THSD7A: variants seen among roughly 807,000 people sequenced by gnomAD.
THSD7A encodes thrombospondin type 1 domain containing 7A.
In THSD7A, 96 loss-of-function variants were observed where a neutral mutation model predicts 231.3. The ratio of observed to expected loss-of-function variants is 0.41; its 90% CI spans 0.35 to 0.49. The LOEUF (loss-of-function observed/expected upper bound fraction) is 0.49. Ranked by LOEUF, THSD7A falls within the 20% of genes least tolerant of loss-of-function variation. The pLI is 0.05. For synonymous variants in THSD7A, 940 were observed against 743.3 expected (o/e 1.26, Z -4.30); for missense variants, 2,290 against 2,070.2 (o/e 1.11, Z -2.06).
chr7:11,504,382 G>C (rs540514479), intron 6 of THSD7A, among the ~76,000 whole-genome samples: 81 of 152,222 alleles, frequency 5.3e-4, no homozygotes, highest in African/African-American at 1.8e-3. Context: ...CCTGGGTAAT[G>C]TAATATTATA....
chr7:11,475,317 G>C (rs529119491), intron 7 of THSD7A, among the ~76,000 whole-genome samples: 5 of 152,136 alleles, frequency 3.3e-5, no homozygotes, highest in Non-Finnish European at 7.4e-5. Flanking sequence ...GATATGCTTT[G>C]GGGGTACCGA....
chr7:11,541,688 A>C, intron 5 of THSD7A, 57 bp from the exon 6 acceptor site: 1 of 1,492,836 alleles, frequency 6.7e-7, no homozygotes, highest in Non-Finnish European at 9.2e-7. Flanking sequence ...AGTATTTCAG[A>C]AAGTTGAATA....
chr7:11,661,716 G>C (rs566987727), intron 1 of THSD7A, among the ~76,000 whole-genome samples: 1 of 151,154 alleles, frequency 6.6e-6, no homozygotes, highest in African/African-American at 2.4e-5. Flanking sequence ...AAAAAAGAGA[G>C]AAAAATGTCC....
intron 6 of THSD7A, among the ~76,000 whole-genome samples, chr7:11,540,994 A>G (rs971767572): frequency 1.2e-4 from 18 of 152,182 alleles, no homozygotes; most frequent in Non-Finnish European, 1.6e-4. Flanking sequence ...AGGTTAAAGG[A>G]AAATACTTTT....
At chr7:11,456,697 C>A (rs1476535036) in intron 11 of THSD7A, among the ~76,000 whole-genome samples, 1 of 151,994 alleles carries the variant, frequency 6.6e-6, no homozygotes, top group Non-Finnish European at 1.5e-5. Flanking sequence ...TCTGTCCTAA[C>A]TACTCAATTG....
chr7:11,607,522 G>A (rs1584072387), intron 2 of THSD7A, among the ~76,000 whole-genome samples: 2 of 150,886 alleles, frequency 1.3e-5, no homozygotes, highest in African/African-American at 4.9e-5. Context: ...ATTGTCTTGT[G>A]TTTTCAGATT....
intron 4 of THSD7A, among the ~76,000 whole-genome samples, chr7:11,553,866 C>G (rs34): frequency 6.6e-6 from 1 of 151,770 alleles, no homozygotes; most frequent in Non-Finnish European, 1.5e-5. Context: ...AAAATAATCT[C>G]AACACTTCTT....
intron 1 of THSD7A, among the ~76,000 whole-genome samples, chr7:11,674,159 C>T (rs917101303): frequency 6.6e-6 from 1 of 151,984 alleles, no homozygotes; most frequent in Non-Finnish European, 1.5e-5. Context: ...CACTAAATCC[C>T]CCCTTGGGAC....
At chr7:11,394,089 C>T (rs533150434) in intron 23 of THSD7A, among the ~76,000 whole-genome samples, 13 of 151,996 alleles carry the variant, frequency 8.6e-5, no homozygotes, top group African/African-American at 1.9e-4. Context: ...TTGAAATGAA[C>T]GAAAAAAATG....
intron 23 of THSD7A, among the ~76,000 whole-genome samples, chr7:11,391,698 A>G (rs1782988741): frequency 6.6e-6 from 1 of 152,158 alleles, no homozygotes; most frequent in Admixed American, 6.5e-5. Flanking sequence ...GTGTCTTCCC[A>G]AATTGCCACC....
intron 1 of THSD7A, among the ~76,000 whole-genome samples, chr7:11,803,279 T>G (rs1784323338): frequency 6.6e-6 from 1 of 152,160 alleles, no homozygotes; most frequent in Non-Finnish European, 1.5e-5. Context: ...TTGATCAATA[T>G]TTTATAGTGG....
chr7:11,760,019 T>C (rs1782804417), intron 1 of THSD7A, among the ~76,000 whole-genome samples: 2 of 152,008 alleles, frequency 1.3e-5, no homozygotes, highest in South Asian at 4.1e-4. Context: ...AAACAAAATA[T>C]GAGAAGCAAT....
chr7:11,392,708 T>A (rs74780032), intron 23 of THSD7A, among the ~76,000 whole-genome samples: 2,188 of 152,248 alleles, frequency 0.014, 17 homozygotes, highest in Middle Eastern at 0.054. Context: ...GAGGGGTGTA[T>A]ACCATTATTG....
chr7:11,494,844 C>T (rs2189312), intron 6 of THSD7A, among the ~76,000 whole-genome samples: 115,612 of 151,884 alleles, frequency 0.76, 43,990 homozygotes, highest in South Asian at 0.83. Flanking sequence ...TTTACCTAAA[C>T]CTTTATAATA....
At chr7:11,403,064 A>T (rs1783462046) in intron 22 of THSD7A, among the ~76,000 whole-genome samples, 1 of 152,146 alleles carries the variant, frequency 6.6e-6, no homozygotes, top group Non-Finnish European at 1.5e-5. Context: ...CACCCTTTCC[A>T]TTAACCCATC....
chr7:11,694,015 G>C (rs551851565), intron 1 of THSD7A, among the ~76,000 whole-genome samples: 2 of 151,450 alleles, frequency 1.3e-5, no homozygotes, highest in Admixed American at 6.6e-5. Flanking sequence ...GGTTTCTAAC[G>C]GTAGTCAGAA....
intron 1 of THSD7A, among the ~76,000 whole-genome samples, chr7:11,648,370 G>A (rs1439513929): frequency 1.3e-5 from 2 of 151,992 alleles, no homozygotes; most frequent in African/African-American, 2.4e-5. Context: ...TGAGTCAAGG[G>A]AAGGTCCTCT....
In THSD7A at chr7:11,401,971, G is replaced by A. The variant is rs368457578; in HGVS notation, c.4238-3C>T. 2 of 1,609,942 alleles carry A rather than the reference G, an allele frequency of 1.2e-6. No homozygotes were observed. Among genetic ancestry groups the A allele is most frequent in the African/African-American group, 1.3e-5 (1 of 74,658 alleles). On this transcript the variant is annotated splice_polypyrimidine_tract_variant and splice_region_variant and intron_variant, in intron 22 of 27. Coordinates refer to ENST00000423059, the MANE Select transcript of THSD7A (RefSeq NM_015204.3). ...CCAGTCCTTCAAATAACAGTCACCT[G>A]TAAAACACATATTTGTAATTTACAC...
intron 2 of THSD7A, among the ~76,000 whole-genome samples, chr7:11,612,682 A>G (rs1780974703): frequency 6.6e-6 from 1 of 152,224 alleles, no homozygotes; most frequent in Admixed American, 6.5e-5. Context: ...ATCATCTTCC[A>G]ACATGACAAT....
Sources: allele counts gnomAD v4.1 joint callset (sites outside exome capture counted in the v4.1 genomes callset), GRCh38; gene constraint gnomAD v4.1.1; transcripts MANE v1.5; gene names NCBI Gene and HGNC (gene_info 2026-07-23, HGNC 2026-07-21).